TTC7A: variants seen among roughly 807,000 people sequenced by gnomAD.
TTC7A encodes the protein tetratricopeptide repeat domain 7A.
TTC7A carries 110 observed loss-of-function variants against 103.7 expected under a neutral mutation model. The observed-to-expected ratio is 1.06, with a 90% confidence interval of 0.91 to 1.24. The LOEUF is 1.24. Among genes scored for constraint, TTC7A ranks in the 50% most tolerant of loss-of-function variants. The pLI is 0.00. For synonymous variants in TTC7A, 521 were observed against 467.9 expected, an observed-to-expected ratio of 1.11 and a Z score of -1.47; for missense variants, 1,340 against 1,116.3, an observed-to-expected ratio of 1.20 and a Z score of -2.86.
In TTC7A at chr2:46,950,262, G is replaced by A. The variant is rs1006935429; in HGVS notation, c.185-101G>A. On this transcript the variant is annotated intron_variant, in intron 1 of 19. Transcript: ENST00000319190. The stretch of plus-strand genomic sequence containing the variant: ...ATTTTCTCAGACCTGAGCCATTCAT[G>A]TACTGGGTATGGGTGGTTGGGTGGG... The A allele has an allele frequency of 8.2e-6, 10 of 1,226,746 alleles. No homozygotes were observed. In the African/African-American group the frequency reaches 9.1e-5, roughly 11 times the overall value. 76.0% of individuals were successfully genotyped at this position (1,226,746 alleles called of 1,614,324 possible). A position where few individuals can be genotyped will look rare whatever the true frequency, so the allele number is the denominator to read the frequency against.
intron 8 of TTC7A, among the ~76,000 whole-genome samples, chr2:46,995,734 A>G (rs1256350579): frequency 6.6e-6 from 1 of 152,190 alleles, no homozygotes; most frequent in Non-Finnish European, 1.5e-5. Context: ...TCATTTATTC[A>G]CGCAACAGCT....
chr2:47,012,523 G>A (rs1678180736), intron 11 of TTC7A, among the ~76,000 whole-genome samples: 3 of 152,194 alleles, frequency 2.0e-5, no homozygotes, highest in Non-Finnish European at 1.5e-5. Flanking sequence ...TAAGGCAGTG[G>A]GGGCCAGGCT....
At position 46,917,031 on chromosome 2, in the gene TTC7A, A is replaced by C. The variant is rs35134599; in HGVS notation, c.-12-153A>C. 0.041 allele frequency among the ~76,000 whole-genome samples: 6,210 copies of C among 152,256 alleles called. 179 individuals are homozygous for C. The highest frequency in any genetic ancestry group is 0.088 in the Middle Eastern group (26 of 294). On this transcript the variant is annotated intron_variant, in intron 1 of 20. Coordinates refer to the TTC7A transcript ENST00000409245. Reference sequence around the variant, plus strand: ...TGGGTCCGGACAGGAAAGACAAAGAAAGTGGCTAAGTAGTTAGATGCCTTG... The same window carrying C: ...TGGGTCCGGACAGGAAAGACAAAGACAGTGGCTAAGTAGTTAGATGCCTTG...
chr2:47,051,775 T>C lies in TTC7A; in HGVS notation c.2047T>C (p.Ser683Pro). Residue 683 changes from serine to proline, a missense_variant, in exon 18 of 20, where the codon TCC (serine) becomes CCC (proline). Physicochemically the swap from Ser to Pro is moderately conservative, Grantham distance 74. Transcript: ENST00000319190. Reference sequence around the variant, plus strand: ...CCGGCGGGCTTCGTCCATCGCCGCCTCCCGGCTGGAGGAGGCCATGTCAGA... The same window carrying C: ...CCGGCGGGCTTCGTCCATCGCCGCCCCCCGGCTGGAGGAGGCCATGTCAGA... ...GSRRASSIAA[S>P]RLEEAMSELT... 6.2e-7 allele frequency: 1 copy of C among 1,611,122 alleles called. No homozygotes were observed.
intron 14 of TTC7A, among the ~76,000 whole-genome samples, chr2:47,026,007 C>T (rs184179675): frequency 8.5e-4 from 130 of 152,366 alleles, no homozygotes; most frequent in Admixed American, 1.9e-3. Flanking sequence ...AGTTATTCAT[C>T]CCTCTCTGAT....
chr2:46,931,576 A>G (rs1669705615), intron 2 of TTC7A, among the ~76,000 whole-genome samples: 1 of 152,146 alleles, frequency 6.6e-6, no homozygotes, highest in Non-Finnish European at 1.5e-5. Flanking sequence ...ATGAGCTTTG[A>G]AGATGTAGAA....
chr2:47,008,917 G>A (rs1454424051), intron 10 of TTC7A, among the ~76,000 whole-genome samples: 4 of 150,396 alleles, frequency 2.7e-5, no homozygotes, highest in African/African-American at 7.4e-5. Flanking sequence ...AAAAAAAAAA[G>A]CTGCTGCTCC....
intron 3 of TTC7A, among the ~76,000 whole-genome samples, chr2:46,962,571 A>T (rs1315082069): frequency 1.3e-5 from 2 of 152,152 alleles, no homozygotes; most frequent in African/African-American, 2.4e-5. Context: ...ATGCTCCTGG[A>T]GGGATGCAGC....
chr2:46,999,168 C>G (rs1676529386), intron 8 of TTC7A, among the ~76,000 whole-genome samples: 1 of 152,056 alleles, frequency 6.6e-6, no homozygotes, highest in Admixed American at 6.5e-5. Flanking sequence ...ATCCATCCAC[C>G]CATTAATCCA....
At chr2:46,916,278 G>A (rs2103782625) in exon 1 of TTC7A, 2 of 665,502 alleles carry the variant, frequency 3.0e-6, no homozygotes, top group Non-Finnish European at 3.7e-6. Context: ...AGCCGGCCTT[G>A]GACCCTACGT....
intron 3 of TTC7A, among the ~76,000 whole-genome samples, chr2:46,970,559 A>G (rs1673266568): frequency 6.6e-6 from 1 of 152,252 alleles, no homozygotes; most frequent in Non-Finnish European, 1.5e-5. Context: ...TCCGGGGACT[A>G]CAAGGCAGCT....
At chr2:46,935,924 C>T (rs1019170151) in intron 2 of TTC7A, among the ~76,000 whole-genome samples, 2 of 152,008 alleles carry the variant, frequency 1.3e-5, no homozygotes, top group Non-Finnish European at 2.9e-5. Context: ...GATTCAGTCT[C>T]TTAAAAAATT....
chr2:46,999,944 C>G lies in TTC7A; in HGVS notation c.1065+4745C>G, dbSNP rs192837138. 7 of 974,328 alleles carry G rather than the reference C, an allele frequency of 7.2e-6. No homozygotes were observed. The East Asian group carries it at 8.0e-4, about 111-fold the overall frequency. The allele number at this position is 974,328 out of a possible 1,614,324, so 60.4% of individuals were successfully genotyped here. ...GCAGATTAACAGACTTTGTGCCATG[C>G]CCAATGCTGGGCATCTGGCTGTTTG... On this transcript the variant is annotated intron_variant, in intron 8 of 19. Coordinates refer to ENST00000319190, the MANE Select transcript of TTC7A (RefSeq NM_020458.4).
At chr2:47,060,676 A>T (rs911327162) in intron 18 of TTC7A, 93 bp from the exon 19 acceptor site, 7 of 1,221,862 alleles carry the variant, frequency 5.7e-6, no homozygotes, top group African/African-American at 1.5e-5. Flanking sequence ...GTCACCTAAG[A>T]CTAGTTCCCT....
At chr2:47,058,385 G>A (rs912003914) in intron 18 of TTC7A, among the ~76,000 whole-genome samples, 144 of 152,304 alleles carry the variant, frequency 9.5e-4, no homozygotes, top group Non-Finnish European at 2.4e-4. Context: ...GGCAATGCTC[G>A]TGCTAAGTAC....
At chr2:47,027,758 G>A (rs977812792) in intron 14 of TTC7A, among the ~76,000 whole-genome samples, 7 of 152,190 alleles carry the variant, frequency 4.6e-5, no homozygotes, top group Admixed American at 4.6e-4. Flanking sequence ...CAAGGGCCAG[G>A]GACTCTGGGG....
At chr2:47,061,620 C>G (rs1400285567) in intron 19 of TTC7A, among the ~76,000 whole-genome samples, 1 of 152,220 alleles carries the variant, frequency 6.6e-6, no homozygotes, top group Non-Finnish European at 1.5e-5. Flanking sequence ...TGCTGATACT[C>G]TTGTCCTGGC....
rs768053395 is a variant in TTC7A at position 47,073,815 on chromosome 2, G to GC, written c.2470dup (p.Gln824ProfsTer11). On this transcript the variant is annotated frameshift_variant, in exon 20 of 20. Transcript: ENST00000319190. LOFTEE classifies it high-confidence loss of function. The stretch of plus-strand genomic sequence containing the variant: ...CGTGGCAGGGCCTGGGCGAGGTGCT[G>GC]CAGGCCCAGGGCCAGAACGAGGCTG... 5.0e-6 allele frequency: 8 copies of GC among 1,613,692 alleles called. No homozygotes were observed. The highest frequency in any genetic ancestry group is 6.8e-6 in the Non-Finnish European group (8 of 1,179,976).
chr2:47,038,936 C>T (rs1030745356), intron 15 of TTC7A, among the ~76,000 whole-genome samples: 2 of 152,052 alleles, frequency 1.3e-5, no homozygotes, highest in African/African-American at 4.8e-5. Context: ...ATAAGAAAGA[C>T]CTAGTTCTCC....
Sources: gnomAD v4.1 joint callset for allele counts (sites outside exome capture counted in the v4.1 genomes callset) on GRCh38, gnomAD v4.1.1 for gene constraint, MANE v1.5 for transcripts, NCBI Gene and HGNC (gene_info 2026-07-23, HGNC 2026-07-21) for gene names.